STAT5B: variants seen among roughly 807,000 people sequenced by gnomAD.
STAT5B encodes the protein transcription factor STAT5B.
A neutral mutation model predicts 107.8 loss-of-function variants in STAT5B; 21 were observed. That is an observed-to-expected ratio of 0.19 (90% CI 0.14 to 0.28). STAT5B has a LOEUF of 0.28. Among genes scored for constraint, STAT5B ranks in the 10% least tolerant of loss-of-function variants. The probability of loss-of-function intolerance (pLI) is 1.00; values close to 1 mark genes in which losing one functional copy is unlikely to be tolerated. For missense variants in STAT5B, 565 were observed against 1,008.2 expected (o/e 0.56, Z 5.95); for synonymous variants, 325 against 401.7 (o/e 0.81, Z 2.28).
intron 1 of STAT5B, among the ~76,000 whole-genome samples, chr17:42,237,619 A>G (rs549198775): frequency 8.5e-5 from 13 of 152,252 alleles, no homozygotes; most frequent in African/African-American, 3.1e-4. Context: ...TAATATGAAT[A>G]ATATGAATCC....
the STAT5B span, among the ~76,000 whole-genome samples, chr17:42,284,589 C>A: frequency 6.6e-6 from 1 of 152,182 alleles, no homozygotes; most frequent in South Asian, 2.1e-4. Flanking sequence ...TCTCTTAATC[C>A]ATAAACTCAA....
chr17:42,250,768 C>CA (rs1459859152), intron 1 of STAT5B, among the ~76,000 whole-genome samples: 15 of 151,660 alleles, frequency 9.9e-5, no homozygotes, highest in Non-Finnish European at 1.2e-4. Flanking sequence ...ACTAAAAATA[C>CA]AAAAAATTAG....
At chr17:42,235,319 G>A (rs546232899) in intron 1 of STAT5B, 4 of 152,190 alleles carry the variant, frequency 2.6e-5, no homozygotes, top group South Asian at 2.1e-4. Flanking sequence ...GGTCTAGAAC[G>A]GTACCTGGCA....
chr17:42,268,587 C>T (rs1013926492), intron 1 of STAT5B: 10 of 152,166 alleles, frequency 6.6e-5, no homozygotes, highest in South Asian at 2.1e-4. Context: ...TCCATGCCTT[C>T]GGAATAAGAA....
intron 9 of STAT5B, 187 bp from the exon 10 acceptor site, chr17:42,217,651 G>C: frequency 9.5e-6 from 6 of 629,560 alleles, no homozygotes; most frequent in Non-Finnish European, 8.3e-6. Context: ...AATGAAACAA[G>C]ATCAAACTAT....
Position 42,202,019 on chromosome 17 carries a change from C to T in STAT5B, c.2238-155G>A, listed in dbSNP as rs967991781. ...ACAACCATTCAAACAGCTGGCTGTA[C>T]AGCAACTCAGACTGAAATACCCTCC... is the stretch of plus-strand genomic sequence containing the variant. On this transcript the variant is annotated intron_variant, in intron 18 of 18. Coordinates refer to ENST00000293328, the MANE Select transcript of STAT5B (RefSeq NM_012448.4). The T allele has an allele frequency of 9.8e-5, 70 of 716,612 alleles. 1 individual carries two copies. In the South Asian group the frequency reaches 1.1e-3, roughly 11 times the overall value. The allele number at this position is 716,612 out of a possible 1,614,324, so 44.4% of individuals were successfully genotyped here. A position where few individuals can be genotyped will look rare whatever the true frequency, so the allele number is the denominator to read the frequency against.
chr17:42,280,345 T>G (rs1425702224), upstream of STAT5B, among the ~76,000 whole-genome samples: 1 of 151,994 alleles, frequency 6.6e-6, no homozygotes, highest in Non-Finnish European at 1.5e-5. Flanking sequence ...CTCTCTCTCA[T>G]AGATGAACAC....
At chr17:42,247,793 C>T (rs940101779) in intron 1 of STAT5B, among the ~76,000 whole-genome samples, 1 of 151,766 alleles carries the variant, frequency 6.6e-6, no homozygotes, top group Non-Finnish European at 1.5e-5. Context: ...ACAAAGAAAG[C>T]AAAACAAAAA....
chr17:42,207,898 C>T (rs2080099146), intron 15 of STAT5B, among the ~76,000 whole-genome samples, 170 bp from the exon 16 acceptor site: 1 of 152,110 alleles, frequency 6.6e-6, no homozygotes, highest in African/African-American at 2.4e-5. Flanking sequence ...TATTTACTTA[C>T]TTACTTACTT....
the STAT5B span, among the ~76,000 whole-genome samples, chr17:42,285,582 CT>C: frequency 6.6e-6 from 1 of 152,222 alleles, no homozygotes; most frequent in Non-Finnish European, 1.5e-5. Context: ...CCTCCACAGC[CT>C]GGTTCCCCAA....
At chr17:42,265,652 G>C (rs2080664318) in intron 1 of STAT5B, among the ~76,000 whole-genome samples, 2 of 152,140 alleles carry the variant, frequency 1.3e-5, no homozygotes, top group Non-Finnish European at 1.5e-5. Context: ...TGCCCAGCTT[G>C]AGTATGCACT....
At chr17:42,236,743 T>A (rs948918563) in intron 1 of STAT5B, among the ~76,000 whole-genome samples, 1 of 152,134 alleles carries the variant, frequency 6.6e-6, no homozygotes, top group Non-Finnish European at 1.5e-5. Context: ...GGCAGTTAAG[T>A]AGTATTTTTC....
At chr17:42,206,918 C>A (rs979238875) in intron 16 of STAT5B, among the ~76,000 whole-genome samples, 3 of 151,188 alleles carry the variant, frequency 2.0e-5, no homozygotes, top group African/African-American at 7.3e-5. Context: ...ACCCTATTGC[C>A]CAGGCTGGAG....
At chr17:42,264,570 G>A (rs373826596) in intron 1 of STAT5B, among the ~76,000 whole-genome samples, 1 of 152,142 alleles carries the variant, frequency 6.6e-6, no homozygotes, top group South Asian at 2.1e-4. Flanking sequence ...GTATTCCATG[G>A]TGTGTATGTG....
upstream of STAT5B, among the ~76,000 whole-genome samples, chr17:42,281,178 G>A (rs1383984282): frequency 1.3e-5 from 2 of 151,968 alleles, no homozygotes; most frequent in East Asian, 3.8e-4. Flanking sequence ...CTAGCTGTGT[G>A]ACTTTGGTCT....
intron 1 of STAT5B, among the ~76,000 whole-genome samples, chr17:42,263,990 A>G (rs1375327805): frequency 1.3e-5 from 2 of 151,628 alleles, no homozygotes; most frequent in Admixed American, 6.6e-5. Context: ...GATTGTTTGT[A>G]ATTTCATTTT....
chr17:42,227,403 C>T (rs1189447992), intron 3 of STAT5B, 126 bp downstream of exon 3: 2 of 1,309,844 alleles, frequency 1.5e-6, no homozygotes, highest in African/African-American at 3.0e-5. Flanking sequence ...AGACCAAAAC[C>T]ACACAACAAG....
chr17:42,232,855 T>C (rs2080328274), intron 1 of STAT5B, among the ~76,000 whole-genome samples: 1 of 151,530 alleles, frequency 6.6e-6, no homozygotes, highest in Non-Finnish European at 1.5e-5. Context: ...TTTTTTTTTT[T>C]TTTTGAGACA....
chr17:42,204,207 G>C (rs942897107), intron 16 of STAT5B, among the ~76,000 whole-genome samples: 4 of 152,174 alleles, frequency 2.6e-5, no homozygotes, highest in African/African-American at 9.7e-5. Flanking sequence ...ATCCCCACTG[G>C]GATGTGGCAG....
Sources: allele counts gnomAD v4.1 joint callset (sites outside exome capture counted in the v4.1 genomes callset), GRCh38; gene constraint gnomAD v4.1.1; transcripts MANE v1.5; gene names NCBI Gene and HGNC (gene_info 2026-07-23, HGNC 2026-07-21).